The following SERAC1 variants were observed in gnomAD, a reference collection of about 807,000 sequenced individuals.
SERAC1 encodes serine active site containing 1, also known as protein SERAC1.
A neutral mutation model predicts 85.7 loss-of-function variants in SERAC1; 36 were observed. That is an observed-to-expected ratio of 0.42 (90% CI 0.32 to 0.55). The LOEUF (loss-of-function observed/expected upper bound fraction) is 0.55, where lower values mean the gene tolerates loss of function less well. SERAC1 is among the 20% of genes least tolerant of loss of function. SERAC1 has a pLI of 0.11. For missense variants in SERAC1, 629 were observed against 796.2 expected, an observed-to-expected ratio of 0.79 and a Z score of 2.53; for synonymous variants, 242 against 265.3, an observed-to-expected ratio of 0.91 and a Z score of 0.85.
At position 158,144,242 on chromosome 6, in the gene SERAC1, A is replaced by G; in HGVS notation, c.609+57T>C. 7 of 1,383,766 alleles carry G rather than the reference A, an allele frequency of 5.1e-6. No individual in the cohort carries two copies. The South Asian group carries it at 9.5e-5, about 19-fold the overall frequency. 85.7% of individuals were successfully genotyped at this position (1,383,766 alleles called of 1,614,324 possible). On this transcript the variant is annotated intron_variant, in intron 7 of 16. Coordinates refer to ENST00000647468, the MANE Select transcript of SERAC1 (RefSeq NM_032861.4). Reference sequence around the variant, plus strand: ...AAAGTGTTTTGTACCCCAAGTGAAGATAATATATTAAACCATTTTTCACTC... The same window carrying G: ...AAAGTGTTTTGTACCCCAAGTGAAGGTAATATATTAAACCATTTTTCACTC...
intron 6 of SERAC1, 90 bp from the exon 7 acceptor site, chr6:158,144,510 A>C (rs1785006403): frequency 7.7e-7 from 1 of 1,292,928 alleles, no homozygotes; most frequent in South Asian, 1.6e-5. Context: ...AAAGCACTCT[A>C]ATTTTTAAAC....
intron 1 of SERAC1, chr6:158,159,330 C>T (rs1785429078): frequency 6.6e-6 from 1 of 151,572 alleles, no homozygotes; most frequent in Non-Finnish European, 1.5e-5. Flanking sequence ...ATAGTGAAAC[C>T]CTGACTCTAC....
At chr6:158,159,552 TA>T (rs1785437422) in intron 1 of SERAC1, among the ~76,000 whole-genome samples, 1 of 151,662 alleles carries the variant, frequency 6.6e-6, no homozygotes, top group African/African-American at 2.4e-5. Flanking sequence ...AATTCCACTG[TA>T]ATTTTTCTCT....
chr6:158,133,517 C>A (rs1420427083), intron 8 of SERAC1, among the ~76,000 whole-genome samples: 1 of 151,314 alleles, frequency 6.6e-6, no homozygotes, highest in Non-Finnish European at 1.5e-5. Context: ...TCCTGAGTAG[C>A]TGGGACTATA....
At chr6:158,163,982 G>A (rs945120787) in intron 1 of SERAC1, among the ~76,000 whole-genome samples, 4 of 151,422 alleles carry the variant, frequency 2.6e-5, no homozygotes, top group South Asian at 2.1e-4. Flanking sequence ...TGATCCACCC[G>A]CCTCGGCTTC....
At chr6:158,153,728 A>T (rs764066692) in intron 3 of SERAC1, among the ~76,000 whole-genome samples, 3 of 152,218 alleles carry the variant, frequency 2.0e-5, no homozygotes, top group Non-Finnish European at 2.9e-5. Flanking sequence ...CTCTGGATTC[A>T]GAGCTTAGCA....
At chr6:158,114,210 C>T (rs1237961136) in intron 15 of SERAC1, among the ~76,000 whole-genome samples, 1 of 152,102 alleles carries the variant, frequency 6.6e-6, no homozygotes, top group Non-Finnish European at 1.5e-5. Context: ...AAAGAAGGCA[C>T]GTACGGAAAA....
rs1213564982 is a variant in SERAC1 at position 158,117,131 on chromosome 6, G to T, written c.1403+596C>A. On this transcript the variant is annotated intron_variant, in intron 13 of 16. Transcript: ENST00000647468. This position sits in a 1 kb window ranked among gnomAD's most constrained non-coding sequence, Gnocchi z 4.3. ...CCTGCTCACCTTGACACCCTTCTTGGGCACCTACGGGAGGTTCATTCAGAA... is the reference window on the plus strand; with the variant it reads ...CCTGCTCACCTTGACACCCTTCTTGTGCACCTACGGGAGGTTCATTCAGAA... The T allele has an allele frequency of 5.9e-6, 1 of 168,422 alleles. No individual in the cohort carries two copies. The highest frequency in any genetic ancestry group is 1.3e-5 in the Non-Finnish European group (1 of 78,190). The allele number at this position is 168,422 out of a possible 1,614,324, so 10.4% of individuals were successfully genotyped here.
intron 4 of SERAC1, among the ~76,000 whole-genome samples, chr6:158,149,997 G>A (rs1785165570): frequency 6.6e-6 from 1 of 152,182 alleles, no homozygotes; most frequent in Admixed American, 6.5e-5. Flanking sequence ...GTCCTAACTA[G>A]TAAAGACAGG....
chr6:158,141,565 T>G (rs1784916114), intron 8 of SERAC1, among the ~76,000 whole-genome samples: 1 of 152,222 alleles, frequency 6.6e-6, no homozygotes, highest in African/African-American at 2.4e-5. Flanking sequence ...TCTACCTTCA[T>G]GAAGAACTAC....
At chr6:158,164,487 A>G (rs886331494) in intron 1 of SERAC1, among the ~76,000 whole-genome samples, 17 of 152,052 alleles carry the variant, frequency 1.1e-4, no homozygotes, top group African/African-American at 3.9e-4. Context: ...AAAAATATAT[A>G]TATATATTAT....
chr6:158,153,327 T>C (rs774752908), intron 3 of SERAC1, among the ~76,000 whole-genome samples: 3 of 152,202 alleles, frequency 2.0e-5, no homozygotes, highest in Non-Finnish European at 2.9e-5. Context: ...ATCCATTGCA[T>C]GGATATACTA....
At chr6:158,118,636 AGAAG>A (rs1476425929) in intron 12 of SERAC1, among the ~76,000 whole-genome samples, 2,047 of 150,588 alleles carry the variant, frequency 0.014, 54 homozygotes, top group African/African-American at 0.048. Flanking sequence ...AAAAAAAAAA[AGAAG>A]GAAAGAAATG....
intron 1 of SERAC1, among the ~76,000 whole-genome samples, chr6:158,160,358 T>C (rs1785460726): frequency 6.6e-6 from 1 of 152,174 alleles, no homozygotes; most frequent in Non-Finnish European, 1.5e-5. Flanking sequence ...AACACCCCAA[T>C]CTGTGGCAAA....
At position 158,128,274 on chromosome 6, in the gene SERAC1, G is replaced by C; in HGVS notation, c.853-4C>G. On this transcript the variant is annotated splice_region_variant and splice_polypyrimidine_tract_variant and intron_variant, in intron 9 of 16. Coordinates refer to ENST00000647468, the MANE Select transcript of SERAC1 (RefSeq NM_032861.4). The stretch of plus-strand genomic sequence containing the variant: ...TTTTATCACAATGTGTGGATATCTG[G>C]CACAATAAATAAACAGAAGCTCCCT... The C allele has an allele frequency of 1.9e-6, 3 of 1,612,536 alleles. No individual in the cohort carries two copies. The highest frequency in any genetic ancestry group is 2.5e-6 in the Non-Finnish European group (3 of 1,179,452).
At position 158,148,908 on chromosome 6, in the gene SERAC1, T is replaced by C; in HGVS notation, c.312A>G (p.Lys104=). The C allele has an allele frequency of 6.2e-7, 1 of 1,613,060 alleles. No individual in the cohort carries two copies. The highest frequency in any genetic ancestry group is 8.5e-7 in the Non-Finnish European group (1 of 1,179,568). Residue 104 remains lysine, a synonymous_variant, in exon 5 of 17, where the codon AAA becomes AAG. Coordinates refer to ENST00000647468, the MANE Select transcript of SERAC1 (RefSeq NM_032861.4). ...ARKELHKAVR[K]VLATSAKILR... is the part of the protein sequence containing the mutation. ...GTATCTTGGCTGATGTTGCCAATAC[T>C]TTTCTTACTGCTTTGTGAAGTTCTT...
intron 15 of SERAC1, among the ~76,000 whole-genome samples, chr6:158,114,309 G>T (rs1305312843): frequency 6.6e-6 from 1 of 152,048 alleles, no homozygotes; most frequent in Non-Finnish European, 1.5e-5. Flanking sequence ...GAGAAAATAG[G>T]AGCAAAAAGA....
chr6:158,112,937 C>T (rs1190158152), intron 16 of SERAC1: 1 of 153,834 alleles, frequency 6.5e-6, no homozygotes, highest in Non-Finnish European at 1.4e-5. Context: ...TTATATGACA[C>T]TAGAGAGCAA....
In SERAC1 at chr6:158,117,935, C is replaced by G; in HGVS notation, c.1309-114G>C. The G allele has an allele frequency of 1.3e-6, 1 of 786,544 alleles. No individual in the cohort carries two copies. Among genetic ancestry groups the G allele is most frequent in the African/African-American group, 1.7e-5 (1 of 58,206 alleles). The allele number at this position is 786,544 out of a possible 1,614,324, so 48.7% of individuals were successfully genotyped here. ...TCTTGCACTATAATTAAAGATAGCA[C>G]TGGAATAAGGTTTGAAGGTACCGTA... is the stretch of plus-strand genomic sequence containing the variant. On this transcript the variant is annotated intron_variant, in intron 12 of 16. Transcript: ENST00000647468. The surrounding 1 kb of genome is among the most constrained non-coding windows in gnomAD (Gnocchi z 4.3).
Sources: gnomAD v4.1 joint callset for allele counts (sites outside exome capture counted in the v4.1 genomes callset) on GRCh38, gnomAD v4.1.1 for gene constraint, Gnocchi (gnomAD v3.1) non-coding constraint, MANE v1.5 for transcripts, NCBI Gene and HGNC (gene_info 2026-07-23, HGNC 2026-07-21) for gene names.